Variants in DLGAP2 observed in about 807,000 individuals in gnomAD.
DLGAP2 encodes disks large-associated protein 2.
DLGAP2 carries 26 observed loss-of-function variants against 100.3 expected under a neutral mutation model. That is an observed-to-expected ratio of 0.26 (90% CI 0.19 to 0.36). The LOEUF (loss-of-function observed/expected upper bound fraction) is 0.36. DLGAP2 is among the 10% of genes least tolerant of loss of function. DLGAP2 has a pLI of 1.00. For synonymous variants in DLGAP2, 886 were observed against 630.1 expected, an observed-to-expected ratio of 1.41 and a Z score of -6.08; for missense variants, 1,858 against 1,453.2, an observed-to-expected ratio of 1.28 and a Z score of -4.53.
At chr8:1,193,877 C>G (rs141833343) in intron 2 of DLGAP2, among the ~76,000 whole-genome samples, 2 of 152,206 alleles carry the variant, frequency 1.3e-5, no homozygotes, top group African/African-American at 4.8e-5. Flanking sequence ...CTCCGCACCG[C>G]GCCGCCCCCG....
intron 10 of DLGAP2, among the ~76,000 whole-genome samples, chr8:1,673,591 G>T (rs1181692020): frequency 6.6e-6 from 1 of 152,166 alleles, no homozygotes; most frequent in African/African-American, 2.4e-5. Flanking sequence ...CTATTCACGT[G>T]ACCGTCCTTA....
At chr8:819,123 A>C (rs1053201307) in intron 1 of DLGAP2, among the ~76,000 whole-genome samples, 1 of 152,250 alleles carries the variant, frequency 6.6e-6, no homozygotes, top group East Asian at 1.9e-4. Context: ...CTTATTTAAG[A>C]ATATATAAAT....
At chr8:1,502,116 C>T (rs1039875910) in intron 4 of DLGAP2, among the ~76,000 whole-genome samples, 1 of 152,200 alleles carries the variant, frequency 6.6e-6, no homozygotes, top group Non-Finnish European at 1.5e-5. Context: ...CAGCTGAAGA[C>T]GGAAGCCCCA....
At chr8:1,419,020 G>A (rs1797017038) in intron 3 of DLGAP2, among the ~76,000 whole-genome samples, 1 of 152,268 alleles carries the variant, frequency 6.6e-6, no homozygotes, top group Admixed American at 6.5e-5. Flanking sequence ...CATGGGGCGA[G>A]GCAGAGGCCA....
At chr8:1,558,974 C>T (rs978941345) in intron 5 of DLGAP2, among the ~76,000 whole-genome samples, 9 of 152,202 alleles carry the variant, frequency 5.9e-5, no homozygotes, top group African/African-American at 2.2e-4. Flanking sequence ...GGTTCCAGTG[C>T]CTCCAAGAGA....
intron 6 of DLGAP2, among the ~76,000 whole-genome samples, chr8:1,589,758 A>C (rs181177590): frequency 6.6e-6 from 1 of 152,304 alleles, no homozygotes; most frequent in East Asian, 1.9e-4. Context: ...ACCACATTAC[A>C]GGGAGTGGTT....
chr8:1,387,797 A>G (rs992299569), intron 3 of DLGAP2, among the ~76,000 whole-genome samples: 3 of 152,168 alleles, frequency 2.0e-5, no homozygotes, highest in African/African-American at 2.4e-5. Flanking sequence ...CACCTGTGCC[A>G]CAATCGGAAC....
rs1353356026 is a variant in DLGAP2, at chr8:1,659,881, CATT to C, written c.1811-8445_1811-8443del. ...TTGTTATGTGTGAATTAGATCCTAT[CATT>C]ATGATGATAGCTGGTTATTTTGCCC... On this transcript the variant is annotated intron_variant, in intron 8 of 14. Transcript: ENST00000637795. Among the ~76,000 whole-genome samples, 17 of 152,272 alleles carry C rather than the reference CATT, an allele frequency of 1.1e-4. No homozygotes were observed. In the East Asian group the frequency reaches 3.1e-3, roughly 28 times the overall value.
chr8:956,851 T>G (rs4735832), intron 2 of DLGAP2, among the ~76,000 whole-genome samples: 7 of 152,030 alleles, frequency 4.6e-5, no homozygotes, highest in Admixed American at 2.6e-4. Flanking sequence ...ACAGGATTAT[T>G]GTGGTTGTCC....
chr8:911,782 G>T (rs987983295), intron 2 of DLGAP2, among the ~76,000 whole-genome samples: 1 of 152,196 alleles, frequency 6.6e-6, no homozygotes, highest in Non-Finnish European at 1.5e-5. Flanking sequence ...ATGTTGGAAG[G>T]ATATGTGTAT....
At chr8:758,998 CAACAGCCTTCCCATTATCAATACCCCT>C (rs1820991644) in intron 1 of DLGAP2, among the ~76,000 whole-genome samples, 3 of 147,998 alleles carry the variant, frequency 2.0e-5, no homozygotes, top group East Asian at 1.9e-4. Context: ...TCAATACCCC[CAACAGCCTTCCCATTATCAATACCCCT>C]GACAGCCTTC....
At chr8:1,294,006 C>T (rs1200599258) in intron 3 of DLGAP2, among the ~76,000 whole-genome samples, 1 of 152,182 alleles carries the variant, frequency 6.6e-6, no homozygotes, top group African/African-American at 2.4e-5. Flanking sequence ...TCTCGGAGCC[C>T]ACACGTGAAG....
chr8:1,628,000 T>C (rs867746715), intron 7 of DLGAP2, among the ~76,000 whole-genome samples: 121 of 104,466 alleles, frequency 1.2e-3, no homozygotes, highest in African/African-American at 3.2e-3. Context: ...GATTAAGAGC[T>C]TGAGCCGACC....
At chr8:1,408,550 T>C (rs1295568315) in intron 3 of DLGAP2, among the ~76,000 whole-genome samples, 1 of 152,214 alleles carries the variant, frequency 6.6e-6, no homozygotes, top group Non-Finnish European at 1.5e-5. Flanking sequence ...GACTCCAGCA[T>C]TGTCAGGCAC....
intron 3 of DLGAP2, among the ~76,000 whole-genome samples, chr8:1,451,801 TC>T (rs1413044941): frequency 6.6e-6 from 1 of 152,130 alleles, no homozygotes; most frequent in Non-Finnish European, 1.5e-5. Context: ...TCTCCCAACG[TC>T]CGGATATCCC....
chr8:1,343,787 T>C (rs1801475653), intron 3 of DLGAP2, among the ~76,000 whole-genome samples: 1 of 152,042 alleles, frequency 6.6e-6, no homozygotes, highest in Non-Finnish European at 1.5e-5. Context: ...TGCTGTGGGC[T>C]TCACGCCTGC....
rs145426556 is a variant in DLGAP2 at position 849,632 on chromosome 8, C to A, written c.19-58280C>A. Reference sequence around the variant, plus strand: ...GACCCCTGTAGCCTGGGCTAATGGTCTCCCAGCCGTCCTAATAGTGGAGAG... The same window carrying A: ...GACCCCTGTAGCCTGGGCTAATGGTATCCCAGCCGTCCTAATAGTGGAGAG... On this transcript the variant is annotated intron_variant, in intron 1 of 14. Coordinates refer to ENST00000637795, the MANE Select transcript of DLGAP2 (RefSeq NM_001346810.2). Among the ~76,000 whole-genome samples, 11 of 152,292 alleles carry A rather than the reference C, an allele frequency of 7.2e-5. 1 individual carries two copies. In the South Asian group the frequency reaches 8.3e-4, roughly 11 times the overall value.
chr8:1,520,402 C>T (rs1193249195), intron 4 of DLGAP2, among the ~76,000 whole-genome samples: 2 of 152,240 alleles, frequency 1.3e-5, no homozygotes, highest in Non-Finnish European at 2.9e-5. Flanking sequence ...GTGCATCTGT[C>T]ACAATTGATG....
intron 1 of DLGAP2, among the ~76,000 whole-genome samples, chr8:859,143 G>A (rs982342511): frequency 1.1e-4 from 16 of 146,584 alleles, no homozygotes; most frequent in East Asian, 9.9e-4. Flanking sequence ...ATGGAGTCTC[G>A]CTCTATTGCC....
Sources: gnomAD v4.1 joint callset for allele counts (sites outside exome capture counted in the v4.1 genomes callset) on GRCh38, gnomAD v4.1.1 for gene constraint, MANE v1.5 for transcripts, NCBI Gene and HGNC (gene_info 2026-07-23, HGNC 2026-07-21) for gene names.